The following THRB variants were observed in gnomAD, a reference collection of about 807,000 sequenced individuals.
THRB encodes thyroid hormone receptor beta.
THRB carries 12 observed loss-of-function variants against 47.8 expected under a neutral mutation model. The observed-to-expected ratio is 0.25, with a 90% CI of 0.16 to 0.41. THRB has a LOEUF of 0.41. Ranked by LOEUF, THRB falls within the 10% of genes least tolerant of loss-of-function variation. The probability of loss-of-function intolerance (pLI) is 1.00; values close to 1 mark genes in which losing one functional copy is unlikely to be tolerated. For missense variants in THRB, 348 were observed against 589.2 expected, an observed-to-expected ratio of 0.59 and a Z score of 4.24; for synonymous variants, 218 against 212.2, an observed-to-expected ratio of 1.03 and a Z score of -0.24.
intron 3 of THRB, among the ~76,000 whole-genome samples, chr3:24,281,460 G>C (rs1272652281): frequency 6.6e-6 from 1 of 151,592 alleles, no homozygotes; most frequent in Non-Finnish European, 1.5e-5. Flanking sequence ...AAAGGAACTG[G>C]TACCAGCCGC....
intron 5 of THRB, among the ~76,000 whole-genome samples, chr3:24,169,380 T>C (rs1359723411): frequency 2.0e-5 from 3 of 152,130 alleles, no homozygotes; most frequent in African/African-American, 7.2e-5. Context: ...AGCCATCATT[T>C]TGGTCCATGA....
chr3:24,293,107 C>T (rs1403475737), intron 3 of THRB, among the ~76,000 whole-genome samples: 1 of 152,134 alleles, frequency 6.6e-6, no homozygotes, highest in African/African-American at 2.4e-5. Flanking sequence ...TGGTTTTACC[C>T]AAAATTAGGC....
At chr3:24,176,023 T>C (rs1022096429) in intron 5 of THRB, among the ~76,000 whole-genome samples, 7 of 152,210 alleles carry the variant, frequency 4.6e-5, no homozygotes, top group Admixed American at 2.6e-4. Flanking sequence ...GGGTGACTAA[T>C]AATGTGTTTC....
intron 3 of THRB, among the ~76,000 whole-genome samples, chr3:24,251,204 G>C (rs2050633873): frequency 6.6e-6 from 1 of 151,972 alleles, no homozygotes; most frequent in Non-Finnish European, 1.5e-5. Flanking sequence ...CCTCAATGCT[G>C]TACTTACTAA....
chr3:24,434,242 A>G (rs1457338376), intron 1 of THRB, among the ~76,000 whole-genome samples: 1 of 152,152 alleles, frequency 6.6e-6, no homozygotes, highest in Non-Finnish European at 1.5e-5. Context: ...TTGGCAAAAA[A>G]TCCTCGCTTT....
intron 1 of THRB, among the ~76,000 whole-genome samples, chr3:24,480,904 T>C (rs1696254821): frequency 6.6e-6 from 1 of 152,152 alleles, no homozygotes; most frequent in Admixed American, 6.5e-5. Flanking sequence ...GTTCCTCCTA[T>C]CAGTGAAAAG....
At position 24,237,590 on chromosome 3, in the gene THRB, T is replaced by C. The variant is rs142549029; in HGVS notation, c.-42-8589A>G. Among the ~76,000 whole-genome samples the C allele has an allele frequency of 4.6e-5, 7 of 152,244 alleles. No individual in the cohort carries two copies. In the South Asian group the frequency reaches 6.2e-4, roughly 14 times the overall value. ...ACCTCTCTCCCAGACAAAGTCACCA[T>C]GGCATGTTACAAAGAGCATTGGCCT... On this transcript the variant is annotated intron_variant, in intron 3 of 10. Transcript: ENST00000646209.
chr3:24,139,382 T>G (rs981460234), intron 8 of THRB, among the ~76,000 whole-genome samples: 2 of 125,968 alleles, frequency 1.6e-5, no homozygotes, highest in Admixed American at 7.8e-5. Context: ...TTCTTTTTCT[T>G]TTCTTTCTTT....
At chr3:24,442,278 C>G (rs1402050229) in intron 1 of THRB, among the ~76,000 whole-genome samples, 1 of 152,166 alleles carries the variant, frequency 6.6e-6, no homozygotes, top group Non-Finnish European at 1.5e-5. Flanking sequence ...AGGCACTGAT[C>G]TCAGAGCTTC....
intron 1 of THRB, among the ~76,000 whole-genome samples, chr3:24,461,670 G>A (rs1336634896): frequency 1.3e-5 from 2 of 152,178 alleles, no homozygotes; most frequent in Non-Finnish European, 2.9e-5. Context: ...CTAGTGAAAT[G>A]AAATAATTGA....
At chr3:24,214,378 A>G (rs557241918) in intron 4 of THRB, among the ~76,000 whole-genome samples, 1 of 152,362 alleles carries the variant, frequency 6.6e-6, no homozygotes, top group South Asian at 2.1e-4. Flanking sequence ...AGAGAAGTAA[A>G]GAGAAATAAA....
chr3:24,258,872 G>A (rs1474582579), intron 3 of THRB, among the ~76,000 whole-genome samples: 1 of 152,192 alleles, frequency 6.6e-6, no homozygotes, highest in Non-Finnish European at 1.5e-5. Flanking sequence ...TCTGACTGGA[G>A]GCCCCAGCTC....
chr3:24,246,446 A>T (rs2050120190), intron 3 of THRB, among the ~76,000 whole-genome samples: 1 of 152,176 alleles, frequency 6.6e-6, no homozygotes, highest in Non-Finnish European at 1.5e-5. Context: ...TGGTATTGAT[A>T]TTTCTCAGTG....
intron 4 of THRB, among the ~76,000 whole-genome samples, chr3:24,223,678 T>G (rs1341254243): frequency 6.6e-6 from 1 of 152,024 alleles, no homozygotes; most frequent in African/African-American, 2.4e-5. Flanking sequence ...ATAAAATTAT[T>G]TCAAAGGAAG....
In THRB at chr3:24,189,022, G is replaced by C. The variant is rs2043003082; in HGVS notation, c.283+1052C>G. ...TCCAACTGAAACACTCAATTTCCCA[G>C]GTAAACTGGTAATTCCCAGGAGCTT... On this transcript the variant is annotated intron_variant, in intron 5 of 10. Transcript: ENST00000646209. Among the ~76,000 whole-genome samples the C allele has an allele frequency of 4.6e-5, 7 of 151,476 alleles. No individual in the cohort carries two copies. The South Asian group carries it at 1.5e-3, about 32-fold the overall frequency.
At chr3:24,206,680 C>T (rs1054641515) in intron 4 of THRB, among the ~76,000 whole-genome samples, 45 of 152,006 alleles carry the variant, frequency 3.0e-4, no homozygotes, top group African/African-American at 1.0e-3. Context: ...GATAGAGATA[C>T]AAAAACCCTT....
chr3:24,206,079 T>A (rs2045310460), intron 4 of THRB, among the ~76,000 whole-genome samples: 1 of 152,128 alleles, frequency 6.6e-6, no homozygotes, highest in African/African-American at 2.4e-5. Context: ...ACCGTCAACA[T>A]TAGACAGATC....
chr3:24,418,579 C>T lies in THRB; in HGVS notation c.-261+76073G>A, dbSNP rs902538524. On this transcript the variant is annotated intron_variant, in intron 1 of 10. Coordinates refer to ENST00000646209, the MANE Select transcript of THRB (RefSeq NM_001354712.2). The stretch of plus-strand genomic sequence containing the variant: ...CAGTCTTATAAAGCAATGGTTCTCC[C>T]ACTTCACATGCACACCTTCATCCCC... 2.6e-5 allele frequency among the ~76,000 whole-genome samples: 4 copies of T among 151,988 alleles called. No homozygotes were observed. In the South Asian group the frequency reaches 8.3e-4, roughly 32 times the overall value.
At chr3:24,468,855 C>G (rs2074345621) in intron 1 of THRB, among the ~76,000 whole-genome samples, 4 of 151,974 alleles carry the variant, frequency 2.6e-5, no homozygotes, top group Non-Finnish European at 5.9e-5. Flanking sequence ...CTGCTTGACG[C>G]ATAGTTGCCA....
Sources: allele counts gnomAD v4.1 joint callset (sites outside exome capture counted in the v4.1 genomes callset), GRCh38; gene constraint gnomAD v4.1.1; transcripts MANE v1.5; gene names NCBI Gene and HGNC (gene_info 2026-07-23, HGNC 2026-07-21).